NELL1: variants seen among roughly 807,000 people sequenced by gnomAD.
NELL1 encodes the protein protein kinase C-binding protein NELL1.
Under a neutral mutation model 107.4 loss-of-function variants are expected in NELL1, and 76 were observed. The ratio of observed to expected loss-of-function variants is 0.71; its 90% CI spans 0.59 to 0.86. NELL1 has a LOEUF of 0.86. Ranked by LOEUF, NELL1 falls within the 40% of genes least tolerant of loss-of-function variation. NELL1 has a pLI of 0.00. For synonymous variants in NELL1, 353 were observed against 341.2 expected (o/e 1.03, Z -0.38); for missense variants, 1,024 against 1,005.5 (o/e 1.02, Z -0.25).
chr11:21,495,041 A>G (rs528304677), intron 15 of NELL1, among the ~76,000 whole-genome samples: 111 of 152,234 alleles, frequency 7.3e-4, no homozygotes, highest in Admixed American at 1.2e-3. Flanking sequence ...CATTTAACCC[A>G]TGTAAAACAT....
intron 2 of NELL1, among the ~76,000 whole-genome samples, chr11:20,706,330 A>C (rs1854953027): frequency 6.6e-6 from 1 of 152,160 alleles, no homozygotes; most frequent in Non-Finnish European, 1.5e-5. Flanking sequence ...ATGGAATACT[A>C]TGCAGCCATA....
chr11:21,270,316 A>G (rs964598124), intron 14 of NELL1, among the ~76,000 whole-genome samples: 2 of 152,126 alleles, frequency 1.3e-5, no homozygotes, highest in African/African-American at 4.8e-5. Flanking sequence ...TAAAAAATAT[A>G]CAGATTAAAA....
At chr11:20,834,718 AC>A (rs1378367794) in intron 3 of NELL1, among the ~76,000 whole-genome samples, 3 of 151,812 alleles carry the variant, frequency 2.0e-5, no homozygotes, top group Non-Finnish European at 4.4e-5. Context: ...AAAACAAAAA[AC>A]AAACAAAAAA....
At chr11:21,542,099 G>A (rs985595152) in intron 16 of NELL1, among the ~76,000 whole-genome samples, 1 of 152,040 alleles carries the variant, frequency 6.6e-6, no homozygotes, top group East Asian at 1.9e-4. Context: ...ACAACTACAT[G>A]ATGTGCTAGA....
chr11:21,152,099 A>T (rs945529256), intron 13 of NELL1, among the ~76,000 whole-genome samples: 2 of 152,214 alleles, frequency 1.3e-5, no homozygotes, highest in Admixed American at 6.5e-5. Context: ...AAGGACATGG[A>T]CAAATCAACT....
At chr11:20,799,385 C>G (rs1340920387) in intron 3 of NELL1, among the ~76,000 whole-genome samples, 1 of 152,180 alleles carries the variant, frequency 6.6e-6, no homozygotes, top group South Asian at 2.1e-4. Flanking sequence ...ACAACAGTTA[C>G]TTACTAAGTG....
chr11:21,099,148 G>A (rs968763109), intron 12 of NELL1, among the ~76,000 whole-genome samples: 2 of 150,392 alleles, frequency 1.3e-5, no homozygotes, highest in Non-Finnish European at 3.0e-5. Flanking sequence ...TTAAACTTAG[G>A]AGTTTTAATT....
intron 13 of NELL1, among the ~76,000 whole-genome samples, chr11:21,173,189 C>G (rs1281837359): frequency 6.6e-6 from 1 of 151,772 alleles, no homozygotes; most frequent in East Asian, 1.9e-4. Context: ...TGGTATGAGA[C>G]ACACACTGCT....
At chr11:20,723,558 C>A (rs11025710) in intron 2 of NELL1, among the ~76,000 whole-genome samples, 1 of 152,060 alleles carries the variant, frequency 6.6e-6, no homozygotes, top group African/African-American at 2.4e-5. Context: ...CAGCTGCACC[C>A]GTGAAGCTCT....
intron 12 of NELL1, among the ~76,000 whole-genome samples, chr11:20,979,694 C>G (rs7937914): frequency 0.2 from 29,905 of 152,024 alleles, 3,663 homozygotes; most frequent in African/African-American, 0.34. Flanking sequence ...CCTCTTTCTG[C>G]TCTTAGAGTG....
chr11:21,349,781 A>G (rs1450021649), intron 14 of NELL1, among the ~76,000 whole-genome samples: 1 of 152,110 alleles, frequency 6.6e-6, no homozygotes, highest in Non-Finnish European at 1.5e-5. Context: ...TTGGTGACCT[A>G]CTGTAGTGAA....
At chr11:20,824,607 A>C (rs951104642) in intron 3 of NELL1, among the ~76,000 whole-genome samples, 3 of 151,256 alleles carry the variant, frequency 2.0e-5, no homozygotes, top group Non-Finnish European at 4.4e-5. Flanking sequence ...TAATATGGAC[A>C]ATGAAGTCGA....
intron 2 of NELL1, among the ~76,000 whole-genome samples, chr11:20,746,566 TCACA>T (rs10556247): frequency 0.011 from 1,694 of 149,350 alleles, 18 homozygotes; most frequent in African/African-American, 0.031. Context: ...GTGACAGATT[TCACA>T]CACACACACA....
intron 12 of NELL1, among the ~76,000 whole-genome samples, chr11:20,992,810 G>T (rs1852006025): frequency 6.8e-6 from 1 of 148,078 alleles, no homozygotes; most frequent in African/African-American, 2.5e-5. Flanking sequence ...CACCTCCTGG[G>T]TTCAAACCAT....
chr11:20,899,165 C>G (rs529258346), intron 5 of NELL1, among the ~76,000 whole-genome samples: 3 of 152,134 alleles, frequency 2.0e-5, no homozygotes, highest in East Asian at 3.9e-4. Flanking sequence ...TATACACACA[C>G]ACATACACAC....
At chr11:20,956,122 G>C (rs530172397) in intron 11 of NELL1, among the ~76,000 whole-genome samples, 3 of 152,320 alleles carry the variant, frequency 2.0e-5, no homozygotes, top group African/African-American at 7.2e-5. Context: ...TGGAGGCTGA[G>C]GCAGGAGAAT....
intron 14 of NELL1, among the ~76,000 whole-genome samples, chr11:21,315,498 C>G (rs1849860157): frequency 6.6e-6 from 1 of 152,108 alleles, no homozygotes; most frequent in South Asian, 2.1e-4. Flanking sequence ...ACAAGCCAGG[C>G]TTTGTCTCTC....
At chr11:21,151,677 C>T (rs975201061) in intron 13 of NELL1, among the ~76,000 whole-genome samples, 29 of 152,280 alleles carry the variant, frequency 1.9e-4, no homozygotes, top group African/African-American at 7.0e-4. Flanking sequence ...TAGCACAGTT[C>T]CTAGCATAGA....
intron 9 of NELL1, among the ~76,000 whole-genome samples, chr11:20,934,558 A>C (rs1268605747): frequency 3.3e-5 from 5 of 152,242 alleles, no homozygotes; most frequent in Non-Finnish European, 7.3e-5. Flanking sequence ...CAAGTGCCTT[A>C]AGGCAGGTGA....
Sources: allele counts gnomAD v4.1 joint callset (sites outside exome capture counted in the v4.1 genomes callset), GRCh38; gene constraint gnomAD v4.1.1; transcripts MANE v1.5; gene names NCBI Gene and HGNC (gene_info 2026-07-23, HGNC 2026-07-21).